The following NHSL1 variants were observed in gnomAD, a reference collection of about 807,000 sequenced individuals.
The protein encoded by NHSL1 is NHS-like protein 1.
Under a neutral mutation model 95.0 loss-of-function variants are expected in NHSL1, and 48 were observed. The observed-to-expected ratio is 0.51, with a 90% CI of 0.40 to 0.64. The LOEUF is 0.64. NHSL1 is among the 30% of genes least tolerant of loss of function. The probability of loss-of-function intolerance (pLI) is 0.00; values close to 1 mark genes in which losing one functional copy is unlikely to be tolerated. For synonymous variants in NHSL1, 783 were observed against 833.9 expected, an observed-to-expected ratio of 0.94 and a Z score of 1.05; for missense variants, 1,971 against 2,077.7, an observed-to-expected ratio of 0.95 and a Z score of 1.00.
chr6:138,620,466 A>G (rs1428757387), intron 1 of NHSL1, among the ~76,000 whole-genome samples: 1 of 152,208 alleles, frequency 6.6e-6, no homozygotes, highest in Non-Finnish European at 1.5e-5. Flanking sequence ...ACAAGGGATT[A>G]TATTACTACA....
chr6:138,538,740 C>G (rs1392958458), intron 1 of NHSL1, among the ~76,000 whole-genome samples: 1 of 152,354 alleles, frequency 6.6e-6, no homozygotes, highest in African/African-American at 2.4e-5. Context: ...CTCTCAAATG[C>G]TGTCTTGCAA....
chr6:138,654,110 C>T (rs1785126527), intron 1 of NHSL1, among the ~76,000 whole-genome samples: 1 of 152,168 alleles, frequency 6.6e-6, no homozygotes, highest in African/African-American at 2.4e-5. Flanking sequence ...GTTTTTGAAA[C>T]ATGAAATAGG....
rs1583147263 is a variant in NHSL1, at chr6:138,432,327, AG to A, written c.2017del (p.Leu673CysfsTer28). The A allele has an allele frequency of 6.4e-7, 1 of 1,551,616 alleles. No homozygotes were observed. Among genetic ancestry groups the A allele is most frequent in the Non-Finnish European group, 8.7e-7 (1 of 1,147,008 alleles). The part of the protein sequence containing the change: ...ISLKKAKKPP[L>X]PPSRTDSLRR... Reference sequence around the variant, plus strand: ...GAGGGAGTCTGTCCGGGAGGGTGGCAGGGGAGGCTTCTTTGCTTTCTTCAAA... The same window carrying A: ...GAGGGAGTCTGTCCGGGAGGGTGGCAGGGAGGCTTCTTTGCTTTCTTCAAA... On this transcript the variant is annotated frameshift_variant, in exon 6 of 8. Coordinates refer to ENST00000343505, the MANE Select transcript of NHSL1 (RefSeq NM_001144060.2). LOFTEE classifies it high-confidence loss of function. This position sits in a 1 kb window ranked among gnomAD's most constrained non-coding sequence, Gnocchi z 4.4.
intron 1 of NHSL1, among the ~76,000 whole-genome samples, chr6:138,519,338 AT>A (rs1198342077): frequency 6.6e-6 from 1 of 152,264 alleles, no homozygotes; most frequent in Non-Finnish European, 1.5e-5. Context: ...CCTTAAAAAA[AT>A]GTGTTATCAA....
At chr6:138,580,337 A>T (rs562103341) in intron 1 of NHSL1, among the ~76,000 whole-genome samples, 1 of 152,316 alleles carries the variant, frequency 6.6e-6, no homozygotes, top group East Asian at 1.9e-4. Context: ...TACTTTCAAC[A>T]TACTGCAAAA....
At chr6:138,574,144 G>T (rs915705873), upstream of NHSL1, among the ~76,000 whole-genome samples, 1 of 152,090 alleles carries the variant, frequency 6.6e-6, no homozygotes, top group Non-Finnish European at 1.5e-5. Flanking sequence ...TGTTAGCCAG[G>T]ATGGTCTCGA....
At chr6:138,651,718 ACACT>A (rs1442851243) in intron 1 of NHSL1, among the ~76,000 whole-genome samples, 2 of 152,228 alleles carry the variant, frequency 1.3e-5, no homozygotes, top group African/African-American at 4.8e-5. Flanking sequence ...GTCAGTCATC[ACACT>A]CACCACCAGC....
chr6:138,437,326 AC>A, intron 5 of NHSL1, among the ~76,000 whole-genome samples: 1 of 90,466 alleles, frequency 1.1e-5, no homozygotes, highest in African/African-American at 5.7e-5. Context: ...ATATACACAC[AC>A]ACATATATAT....
intron 1 of NHSL1, among the ~76,000 whole-genome samples, chr6:138,585,091 C>T (rs1395613442): frequency 6.6e-6 from 1 of 152,188 alleles, no homozygotes; most frequent in Non-Finnish European, 1.5e-5. Flanking sequence ...ACATTATTAG[C>T]ACTCAGTAAC....
At chr6:138,590,506 T>C (rs573416102) in intron 1 of NHSL1, among the ~76,000 whole-genome samples, 5 of 152,254 alleles carry the variant, frequency 3.3e-5, no homozygotes, top group Admixed American at 3.3e-4. Flanking sequence ...CTACACATCC[T>C]GCCCAATCAA....
Position 138,442,123 on chromosome 6 carries a change from G to C in NHSL1, c.533-9C>G, listed in dbSNP as rs1304083144. The C allele has an allele frequency of 6.5e-7, 1 of 1,543,226 alleles. No individual in the cohort carries two copies. The highest frequency in any genetic ancestry group is 2.0e-5 in the Admixed American group (1 of 49,484). On this transcript the variant is annotated splice_polypyrimidine_tract_variant and intron_variant, in intron 4 of 7. Transcript: ENST00000343505. ...GCGATCGAAATTCTCCCCTAATGTA[G>C]AGTAGTAGAACAAGCAAAGCAATGT...
At chr6:138,563,627 A>G (rs1289770100) in intron 1 of NHSL1, among the ~76,000 whole-genome samples, 6 of 152,266 alleles carry the variant, frequency 3.9e-5, no homozygotes, top group South Asian at 2.1e-4. Flanking sequence ...CATTTATTCA[A>G]TAAATAAATT....
At chr6:138,529,115 A>G (rs1259705201) in intron 1 of NHSL1, among the ~76,000 whole-genome samples, 1 of 152,178 alleles carries the variant, frequency 6.6e-6, no homozygotes, top group Non-Finnish European at 1.5e-5. Flanking sequence ...CCCTTGATTG[A>G]TGTCTCCGCT....
chr6:138,565,260 C>T (rs979299913), intron 1 of NHSL1, among the ~76,000 whole-genome samples: 6 of 152,092 alleles, frequency 3.9e-5, no homozygotes, highest in African/African-American at 9.7e-5. Flanking sequence ...GTATGCCGCA[C>T]TAAACCCGAG....
chr6:138,638,679 T>C (rs961049812), intron 1 of NHSL1, among the ~76,000 whole-genome samples: 1 of 152,192 alleles, frequency 6.6e-6, no homozygotes, highest in African/African-American at 2.4e-5. Flanking sequence ...AAAATGAAAC[T>C]TGGGTACACT....
intron 1 of NHSL1, among the ~76,000 whole-genome samples, chr6:138,591,063 C>T (rs1049637358): frequency 2.0e-5 from 3 of 152,120 alleles, no homozygotes; most frequent in Non-Finnish European, 4.4e-5. Context: ...AAAAGAACAG[C>T]AATACTGCCA....
chr6:138,516,872 C>T lies in NHSL1; in HGVS notation c.17-20501G>A, dbSNP rs550816620. 3.9e-5 allele frequency among the ~76,000 whole-genome samples: 6 copies of T among 152,226 alleles called. No homozygotes were observed. In the South Asian group the frequency reaches 1.2e-3, roughly 32 times the overall value. ...GTGGTCTCAAACTCCTGAGCTCAAG[C>T]AATCCTCGTGCCTCAGCCTCCCAAA... On this transcript the variant is annotated intron_variant, in intron 1 of 4. Coordinates refer to the NHSL1 transcript ENST00000342260.
chr6:138,445,550 T>C (rs1328271057), intron 4 of NHSL1, among the ~76,000 whole-genome samples: 2 of 152,220 alleles, frequency 1.3e-5, no homozygotes, highest in Non-Finnish European at 2.9e-5. Context: ...GAAAAATATA[T>C]ACTGAATTGA....
At chr6:138,610,934 CG>C (rs1476949228) in intron 1 of NHSL1, among the ~76,000 whole-genome samples, 1 of 151,930 alleles carries the variant, frequency 6.6e-6, no homozygotes, top group African/African-American at 2.4e-5. Context: ...AAAAATTAGC[CG>C]GGTGTGTTGG....
Sources: gnomAD v4.1 joint callset for allele counts (sites outside exome capture counted in the v4.1 genomes callset) on GRCh38, gnomAD v4.1.1 for gene constraint, Gnocchi (gnomAD v3.1) non-coding constraint, MANE v1.5 for transcripts, NCBI Gene and HGNC (gene_info 2026-07-23, HGNC 2026-07-21) for gene names.